The following MACF1 variants were observed in gnomAD, a reference collection of about 807,000 sequenced individuals.
The protein encoded by MACF1 is microtubule actin crosslinking factor 1, also known as microtubule-actin cross-linking factor 1.
Under a neutral mutation model 854.8 loss-of-function variants are expected in MACF1, and 193 were observed. That is an observed-to-expected ratio of 0.23 (90% CI 0.20 to 0.25). The LOEUF (loss-of-function observed/expected upper bound fraction) is 0.25, where lower values mean the gene tolerates loss of function less well. Ranked by LOEUF, MACF1 falls within the 10% of genes least tolerant of loss-of-function variation. MACF1 has a pLI of 1.00. For synonymous variants in MACF1, 3,185 were observed against 3,226.7 expected (o/e 0.99, Z 0.44); for missense variants, 7,722 against 8,929.1 (o/e 0.86, Z 5.45).
In MACF1 at chr1:39,114,048, G is replaced by T. The variant is rs149254532; in HGVS notation, c.220+29610G>T. 8.3e-3 allele frequency among the ~76,000 whole-genome samples: 1,249 copies of T among 151,140 alleles called. 16 individuals carry two copies. The highest frequency in any genetic ancestry group is 0.028 in the African/African-American group (1,167 of 41,236). On this transcript the variant is annotated intron_variant, in intron 2 of 93. Transcript: ENST00000361689. ...GAGACTCCGTCTTAAAAAAAAAAAG[G>T]TCCCATCGTTGCTCACTCCATTTTT... is the stretch of plus-strand genomic sequence containing the variant.
At chr1:39,376,796 G>A (rs1405454595) in intron 52 of MACF1, among the ~76,000 whole-genome samples, 1 of 151,784 alleles carries the variant, frequency 6.6e-6, no homozygotes, top group African/African-American at 2.4e-5. Context: ...GCTCTCTGTA[G>A]CTTTGACCTC....
intron 46 of MACF1, 41 bp from the exon 47 acceptor site, chr1:39,359,100 T>G: frequency 6.2e-7 from 1 of 1,610,972 alleles, no homozygotes; most frequent in Non-Finnish European, 8.5e-7. Flanking sequence ...CATCTTTGAT[T>G]ACTTAGATGT....
At chr1:39,267,063 TATTTTAC>T (rs1429313571) in intron 6 of MACF1, among the ~76,000 whole-genome samples, 1 of 152,214 alleles carries the variant, frequency 6.6e-6, no homozygotes, top group Non-Finnish European at 1.5e-5. Context: ...GGGAACTTCT[TATTTTAC>T]ACAACTGGCA....
intron 93 of MACF1, among the ~76,000 whole-genome samples, chr1:39,462,885 G>A (rs922358361): frequency 6.6e-6 from 1 of 152,162 alleles, no homozygotes; most frequent in East Asian, 1.9e-4. Flanking sequence ...AGGGAGAGGT[G>A]CTGGGACAGG....
chr1:39,292,902 C>T, intron 17 of MACF1, 59 bp downstream of exon 17: 3 of 1,382,442 alleles, frequency 2.2e-6, no homozygotes, highest in Non-Finnish European at 3.0e-6. Flanking sequence ...CCCCAATCAA[C>T]TCTCTTCCGT....
At chr1:39,086,915 G>A (rs1462176134) in intron 2 of MACF1, among the ~76,000 whole-genome samples, 13 of 152,194 alleles carry the variant, frequency 8.5e-5, no homozygotes, top group Admixed American at 8.5e-4. Flanking sequence ...CTGAAAATGG[G>A]GAGACTGCCA....
chr1:39,423,491 C>T (rs894664295), intron 60 of MACF1, among the ~76,000 whole-genome samples: 9 of 151,642 alleles, frequency 5.9e-5, no homozygotes, highest in Non-Finnish European at 1.0e-4. Context: ...AAAAATTAGC[C>T]GGGCATGGTG....
Position 39,415,492 on chromosome 1 carries a change from C to T in MACF1, c.15817-6882C>T, listed in dbSNP as rs546399957. On this transcript the variant is annotated intron_variant, in intron 58 of 100. Transcript: ENST00000564288. The stretch of plus-strand genomic sequence containing the variant: ...CTGGGACTACAGGCGCCCGCCACTA[C>T]GCCCGGCAATTTTTTGTATATATAT... Among the ~76,000 whole-genome samples the T allele has an allele frequency of 1.5e-3, 224 of 149,848 alleles. 2 individuals carry two copies. The highest frequency in any genetic ancestry group is 5.1e-3 in the African/African-American group (208 of 41,062).
At chr1:39,096,933 G>C (rs182557308) in intron 2 of MACF1, among the ~76,000 whole-genome samples, 265 of 145,858 alleles carry the variant, frequency 1.8e-3, no homozygotes, top group African/African-American at 6.4e-3. Context: ...CTGGAGTGCA[G>C]TGGTGTGATC....
At chr1:39,309,503 T>A in intron 23 of MACF1, 67 bp from the exon 24 acceptor site, 1 of 1,586,634 alleles carries the variant, frequency 6.3e-7, no homozygotes, top group Non-Finnish European at 8.6e-7. Flanking sequence ...ACATTTTTCC[T>A]TAGAAGGTCT....
chr1:39,126,946 T>C (rs2148165544), intron 2 of MACF1, among the ~76,000 whole-genome samples: 1 of 152,324 alleles, frequency 6.6e-6, no homozygotes, highest in Middle Eastern at 3.4e-3. Flanking sequence ...TTCCTTGTCC[T>C]GTTGGCCGGG....
chr1:39,169,197 C>T (rs1009514359), intron 2 of MACF1, among the ~76,000 whole-genome samples: 2 of 152,144 alleles, frequency 1.3e-5, no homozygotes, highest in African/African-American at 4.8e-5. Flanking sequence ...TTACAGCAAC[C>T]GCCTCATATT....
intron 2 of MACF1, among the ~76,000 whole-genome samples, chr1:39,233,146 T>A (rs1644804966): frequency 6.6e-6 from 1 of 151,974 alleles, no homozygotes; most frequent in Non-Finnish European, 1.5e-5. Context: ...GCAATACTCC[T>A]GCCTCAGCCT....
chr1:39,116,501 T>C (rs1642551097), intron 2 of MACF1, among the ~76,000 whole-genome samples: 1 of 152,074 alleles, frequency 6.6e-6, no homozygotes, highest in Non-Finnish European at 1.5e-5. Context: ...GGTAGATTGA[T>C]CTAGGATCAG....
At chr1:39,085,179 T>C (rs900898777) in intron 2 of MACF1, among the ~76,000 whole-genome samples, 8 of 152,332 alleles carry the variant, frequency 5.3e-5, no homozygotes, top group African/African-American at 1.9e-4. Context: ...TCCCTTATTC[T>C]TTCTCAGTGT....
rs147972985 is a variant in MACF1 at position 39,340,087 on chromosome 1, G to A, written c.10216-415G>A. Among the ~76,000 whole-genome samples the A allele has an allele frequency of 1.8e-4, 28 of 152,266 alleles. No individual in the cohort carries two copies. In the East Asian group the frequency reaches 4.6e-3, roughly 25 times the overall value. On this transcript the variant is annotated intron_variant, in intron 38 of 100. Coordinates refer to ENST00000564288, the MANE Select transcript of MACF1 (RefSeq NM_001394062.1). ...GGAATTTAGAGTGGAAGAGTCATCC[G>A]TTCGGTTTATTTTGTAGCACATTAA...
At chr1:39,413,028 T>C in intron 58 of MACF1, 1 of 1,584,604 alleles carries the variant, frequency 6.3e-7, no homozygotes, top group South Asian at 1.1e-5. Flanking sequence ...AAGGGACTGC[T>C]GCAGTTGCTG....
At position 39,429,277 on chromosome 1, in the gene MACF1, T is replaced by A; in HGVS notation, c.16839T>A (p.Asn5613Lys). Reference sequence around the variant, plus strand: ...AAGAAATTGTTAATAGAAAGAAGAATGTAGATCAAGCTATTAAAAATGGTC... The same window carrying A: ...AAGAAATTGTTAATAGAAAGAAGAAAGTAGATCAAGCTATTAAAAATGGTC... ...LNEEIVNRKK[N>K]VDQAIKNGQA... The change falls in exon 64 of 101, where the codon AAT becomes AAA. Residue 5613 changes from asparagine (N) to lysine (K), a missense_variant. Physicochemically the swap from Asn to Lys is moderately conservative, Grantham distance 94. Coordinates refer to ENST00000564288, the MANE Select transcript of MACF1 (RefSeq NM_001394062.1). 6.3e-7 allele frequency: 1 copy of A among 1,584,570 alleles called. No homozygotes were observed. Among genetic ancestry groups the A allele is most frequent in the Non-Finnish European group, 8.7e-7 (1 of 1,153,766 alleles).
chr1:39,162,363 T>C (rs1212160407), intron 2 of MACF1, among the ~76,000 whole-genome samples: 1 of 152,196 alleles, frequency 6.6e-6, no homozygotes, highest in African/African-American at 2.4e-5. Context: ...AACATACCTA[T>C]GTAATTTTAC....
Sources: gnomAD v4.1 joint callset for allele counts (sites outside exome capture counted in the v4.1 genomes callset) on GRCh38, gnomAD v4.1.1 for gene constraint, MANE v1.5 for transcripts, NCBI Gene and HGNC (gene_info 2026-07-23, HGNC 2026-07-21) for gene names.